NLGN1: variants seen among roughly 807,000 people sequenced by gnomAD.
The protein encoded by NLGN1 is neuroligin-1.
Under a neutral mutation model 65.5 loss-of-function variants are expected in NLGN1, and 12 were observed. The ratio of observed to expected loss-of-function variants is 0.18; its 90% CI spans 0.12 to 0.30. NLGN1 has a LOEUF of 0.30. Ranked by LOEUF, NLGN1 falls within the 10% of genes least tolerant of loss-of-function variation. NLGN1 has a pLI of 1.00. For missense variants in NLGN1, 750 were observed against 1,007.1 expected (o/e 0.74, Z 3.46); for synonymous variants, 350 against 359.5 (o/e 0.97, Z 0.30).
chr3:173,927,017 A>G (rs1743121871), intron 4 of NLGN1, among the ~76,000 whole-genome samples: 1 of 152,046 alleles, frequency 6.6e-6, no homozygotes, highest in African/African-American at 2.4e-5. Context: ...CAAACTTCTC[A>G]TTCCTTTTCT....
chr3:173,620,604 C>A (rs902222770), intron 3 of NLGN1, among the ~76,000 whole-genome samples: 1 of 152,030 alleles, frequency 6.6e-6, no homozygotes, highest in Admixed American at 6.6e-5. Flanking sequence ...GAATACTGAA[C>A]AAATTTTTAA....
At chr3:173,494,122 A>AGTGTGTGTGTGT (rs63066860) in intron 2 of NLGN1, among the ~76,000 whole-genome samples, 1 of 147,862 alleles carries the variant, frequency 6.8e-6, no homozygotes, top group Non-Finnish European at 1.5e-5. Flanking sequence ...GTTATAGGTG[A>AGTGTGTGTGTGT]GTGTGTGTGT....
At chr3:173,962,533 T>G (rs1713844258) in intron 4 of NLGN1, among the ~76,000 whole-genome samples, 1 of 152,162 alleles carries the variant, frequency 6.6e-6, no homozygotes, top group Admixed American at 6.5e-5. Flanking sequence ...AGAAAACACT[T>G]GAACATAGTT....
intron 4 of NLGN1, among the ~76,000 whole-genome samples, chr3:174,073,826 C>A (rs907736374): frequency 1.3e-5 from 2 of 152,130 alleles, no homozygotes; most frequent in African/African-American, 2.4e-5. Flanking sequence ...TACAAAATGA[C>A]AGTCAAAATC....
chr3:173,536,535 A>G (rs566243576), intron 2 of NLGN1, among the ~76,000 whole-genome samples: 1 of 152,358 alleles, frequency 6.6e-6, no homozygotes, highest in Non-Finnish European at 1.5e-5. Flanking sequence ...ACTTGTTAAC[A>G]TGCCAACATG....
chr3:173,752,929 C>T (rs1046120475), intron 3 of NLGN1, among the ~76,000 whole-genome samples: 3 of 152,074 alleles, frequency 2.0e-5, no homozygotes, highest in Non-Finnish European at 4.4e-5. Context: ...CCTCCGATAC[C>T]TACCATCTAC....
Position 173,673,677 on chromosome 3 carries a change from A to G in NLGN1, c.493+68586A>G, listed in dbSNP as rs114510624. ...GATAAATATCTTGTTAATGTTATAC[A>G]ACTAAACATCACAATGCAACCTCCA... On this transcript the variant is annotated intron_variant, in intron 3 of 6. Coordinates refer to ENST00000457714, the Ensembl canonical transcript of NLGN1. 4.1e-3 allele frequency among the ~76,000 whole-genome samples: 629 copies of G among 152,304 alleles called. 4 individuals are homozygous for G. Among genetic ancestry groups the G allele is most frequent in the Middle Eastern group, 0.014 (4 of 294 alleles).
chr3:173,640,505 C>T (rs549701918), intron 3 of NLGN1, among the ~76,000 whole-genome samples: 4 of 152,044 alleles, frequency 2.6e-5, no homozygotes, highest in East Asian at 1.9e-4. Flanking sequence ...TACTTCAATG[C>T]GTATCTCTTA....
At chr3:173,512,101 T>C (rs907206162) in intron 2 of NLGN1, among the ~76,000 whole-genome samples, 3 of 152,178 alleles carry the variant, frequency 2.0e-5, no homozygotes, top group African/African-American at 7.2e-5. Context: ...TCAGGGTGCC[T>C]GTGACCTCAA....
chr3:173,873,784 G>C (rs145925401), intron 4 of NLGN1, among the ~76,000 whole-genome samples: 1,524 of 152,280 alleles, frequency 0.01, 31 homozygotes, highest in African/African-American at 0.035. Context: ...ATCTTGGACA[G>C]TGATGGTTAT....
intron 2 of NLGN1, among the ~76,000 whole-genome samples, chr3:173,499,729 A>C (rs942382487): frequency 7.9e-5 from 12 of 151,752 alleles, no homozygotes; most frequent in African/African-American, 1.9e-4. Context: ...CTTTTATTTC[A>C]TTGAGCAGTG....
chr3:174,289,100 A>G (rs899452195), downstream of NLGN1, among the ~76,000 whole-genome samples: 1 of 151,530 alleles, frequency 6.6e-6, no homozygotes, highest in Non-Finnish European at 1.5e-5. Context: ...AAAAACTACC[A>G]TGCAGAATCA....
rs189657392 is a variant in NLGN1, at chr3:173,706,945, C to G, written c.494-100735C>G. On this transcript the variant is annotated intron_variant, in intron 3 of 6. Coordinates refer to ENST00000457714, the Ensembl canonical transcript of NLGN1. ...ACTTTATTCATCCTGAGAAGCTGAG[C>G]TCTGATTTCACTCTCCCTACCAAGT... Among the ~76,000 whole-genome samples, 246 of 152,314 alleles carry G rather than the reference C, an allele frequency of 1.6e-3. 2 individuals carry two copies. The highest frequency in any genetic ancestry group is 5.7e-3 in the African/African-American group (238 of 41,574).
chr3:174,175,985 T>C (rs1729380351), intron 4 of NLGN1, among the ~76,000 whole-genome samples: 1 of 151,922 alleles, frequency 6.6e-6, no homozygotes, highest in Non-Finnish European at 1.5e-5. Flanking sequence ...AAAGAGCATA[T>C]GTTTTTCATA....
At chr3:174,194,036 C>T (rs1732897448) in intron 4 of NLGN1, among the ~76,000 whole-genome samples, 1 of 152,078 alleles carries the variant, frequency 6.6e-6, no homozygotes, top group Admixed American at 6.6e-5. Context: ...TGTTTTCATT[C>T]ACTAGATGAC....
intron 4 of NLGN1, among the ~76,000 whole-genome samples, chr3:173,880,199 G>T (rs1159188578): frequency 2.0e-5 from 3 of 152,084 alleles, no homozygotes. Context: ...ATACATAACT[G>T]AAGAAATATA....
chr3:174,103,422 T>G (rs1346225567), intron 4 of NLGN1, among the ~76,000 whole-genome samples: 4 of 152,138 alleles, frequency 2.6e-5, no homozygotes, highest in Non-Finnish European at 1.5e-5. Context: ...ACGTTAAAAA[T>G]ACTCTAATAG....
In NLGN1 at chr3:173,968,687, C is replaced by CTTTTTTTTTTTTTTT. The variant is rs34662762; in HGVS notation, c.646+160870_646+160884dup. On this transcript the variant is annotated intron_variant, in intron 4 of 6. Coordinates refer to ENST00000457714, the Ensembl canonical transcript of NLGN1. ...ACACCCCACAATTACTGAAAATAAT[C>CTTTTTTTTTTTTTTT]TTTTTTTTTTTTTTTTTTTTTTTTT... Among the ~76,000 whole-genome samples the CTTTTTTTTTTTTTTT allele has an allele frequency of 3.4e-5, 2 of 59,474 alleles. 1 individual carries two copies. The highest frequency in any genetic ancestry group is 1.5e-4 in the African/African-American group (2 of 13,734). The allele number at this position is 59,474 out of a possible 152,430, so 39.0% of individuals were successfully genotyped here.
At chr3:174,168,679 T>G (rs979499123) in intron 4 of NLGN1, among the ~76,000 whole-genome samples, 1 of 152,126 alleles carries the variant, frequency 6.6e-6, no homozygotes, top group African/African-American at 2.4e-5. Context: ...TCAGCTGATT[T>G]GACGACTGTA....
Sources: allele counts gnomAD v4.1 joint callset (sites outside exome capture counted in the v4.1 genomes callset), GRCh38; gene constraint gnomAD v4.1.1; transcripts MANE v1.5; gene names NCBI Gene and HGNC (gene_info 2026-07-23, HGNC 2026-07-21).